RALGAPA1: variants seen among roughly 807,000 people sequenced by gnomAD.
RALGAPA1 encodes the protein ral GTPase-activating protein subunit alpha-1.
Under a neutral mutation model 269.6 loss-of-function variants are expected in RALGAPA1, and 52 were observed. The ratio of observed to expected loss-of-function variants is 0.19; its 90% CI spans 0.15 to 0.24. RALGAPA1 has a LOEUF of 0.24. RALGAPA1 is among the 10% of genes least tolerant of loss of function. RALGAPA1 has a pLI of 1.00. For synonymous variants in RALGAPA1, 817 were observed against 1,008.3 expected, an observed-to-expected ratio of 0.81 and a Z score of 3.60; for missense variants, 1,917 against 3,013.9, an observed-to-expected ratio of 0.64 and a Z score of 8.52.
intron 31 of RALGAPA1, among the ~76,000 whole-genome samples, chr14:35,648,937 ATCT>A (rs1348986931): frequency 6.6e-6 from 1 of 152,148 alleles, no homozygotes; most frequent in Non-Finnish European, 1.5e-5. Flanking sequence ...TTACTGAATC[ATCT>A]TCTCTGCCTT....
intron 16 of RALGAPA1, among the ~76,000 whole-genome samples, chr14:35,708,560 C>G (rs2068015032): frequency 6.6e-6 from 1 of 152,044 alleles, no homozygotes; most frequent in African/African-American, 2.4e-5. Flanking sequence ...GATAGCCCAC[C>G]CCAGCTAAAA....
At chr14:35,651,686 T>C (rs971277251) in intron 31 of RALGAPA1, 119 bp downstream of exon 31, 5 of 839,748 alleles carry the variant, frequency 6.0e-6, no homozygotes, top group Non-Finnish European at 6.8e-6. Context: ...TTTCACATTA[T>C]AGTAGATTCT....
intron 7 of RALGAPA1, among the ~76,000 whole-genome samples, chr14:35,754,835 C>T (rs2073033668): frequency 6.6e-6 from 1 of 152,100 alleles, no homozygotes; most frequent in Admixed American, 6.6e-5. Context: ...GCATCCCCTA[C>T]AATGGAATGC....
intron 36 of RALGAPA1, among the ~76,000 whole-genome samples, chr14:35,596,999 T>A (rs951887836): frequency 3.3e-5 from 5 of 152,140 alleles, no homozygotes; most frequent in Non-Finnish European, 5.9e-5. Context: ...AAGAGATTCC[T>A]CATTTTTGGT....
rs78574639 is a variant in RALGAPA1 at position 35,644,494 on chromosome 14, G to T, written c.5676+7311C>A. On this transcript the variant is annotated intron_variant, in intron 31 of 41. Coordinates refer to ENST00000680220, the MANE Select transcript of RALGAPA1 (RefSeq NM_001346249.2). ...TAACCATACTGAAGTGGGAAAGGGG[G>T]ACTACGAAGTAACCCAAATAACTTA... Among the ~76,000 whole-genome samples the T allele has an allele frequency of 7.1e-4, 108 of 152,260 alleles. 1 individual carries two copies. In the East Asian group the frequency reaches 0.02, roughly 29 times the overall value.
At position 35,664,708 on chromosome 14, in the gene RALGAPA1, A is replaced by G. The variant is rs948982595; in HGVS notation, c.5262T>C (p.Tyr1754=). 14 of 1,612,980 alleles carry G rather than the reference A, an allele frequency of 8.7e-6. No homozygotes were observed. The Admixed American group carries it at 1.5e-4, about 17-fold the overall frequency. ...TGGGATGAAGAGAAGGCAGTTCACA[A>G]TATAAGTTGGGAAAGCAAACCAAAG... ...LGSLVCFPNL[Y]CELPSLHPNI... Residue 1754 remains tyrosine, a synonymous_variant, in exon 27 of 42, where the codon TAT becomes TAC. Coordinates refer to ENST00000680220, the MANE Select transcript of RALGAPA1 (RefSeq NM_001346249.2).
At chr14:35,794,302 C>T (rs181318226) in intron 1 of RALGAPA1, among the ~76,000 whole-genome samples, 108 of 152,036 alleles carry the variant, frequency 7.1e-4, no homozygotes, top group Middle Eastern at 3.4e-3. Flanking sequence ...TAGGGAAACC[C>T]CCATCTCTAT....
Position 35,689,304 on chromosome 14 carries a change from T to A in RALGAPA1, c.3107A>T (p.Lys1036Ile), listed in dbSNP as rs1251743416. The change falls in exon 18 of 42, where the codon AAA (lysine) becomes ATA (isoleucine). Residue 1036 changes from lysine (K) to isoleucine (I), a missense_variant. This residue lies in a region of RALGAPA1 where 615 missense variants were observed against 790.0 expected (regional missense o/e 0.78). Coordinates refer to ENST00000680220, the MANE Select transcript of RALGAPA1 (RefSeq NM_001346249.2). The stretch of plus-strand genomic sequence containing the variant: ...TTTATCAGTGTTTAGTTGCTTAGAT[T>A]TTTCAGAAGTTTGTGTTCTAAAAAA... ...DSFFRTQTSE[K>I]SKQLNTDKQP... is the part of the protein sequence containing the mutation. 8.1e-7 allele frequency: 1 copy of A among 1,232,178 alleles called. No homozygotes were observed. Among genetic ancestry groups the A allele is most frequent in the Non-Finnish European group, 1.0e-6 (1 of 988,094 alleles). 76.3% of individuals were successfully genotyped at this position (1,232,178 alleles called of 1,614,324 possible). A position where few individuals can be genotyped will look rare whatever the true frequency, so the allele number is the denominator to read the frequency against.
chr14:35,752,038 T>C lies in RALGAPA1; in HGVS notation c.788A>G (p.Tyr263Cys). 2 of 1,582,248 alleles carry C rather than the reference T, an allele frequency of 1.3e-6. No individual in the cohort carries two copies. The highest frequency in any genetic ancestry group is 1.7e-6 in the Non-Finnish European group (2 of 1,169,282). The change falls in exon 8 of 42, where the codon TAT becomes TGT. Residue 263 changes from tyrosine (Y) to cysteine (C), a missense_variant. Transcript: ENST00000680220. Reference sequence around the variant, plus strand: ...ACATTACCTACCAAGTATAGGATGATATAAACTGTTTTCCTTACAGATGTT... The same window carrying C: ...ACATTACCTACCAAGTATAGGATGACATAAACTGTTTTCCTTACAGATGTT... ...FPNICKENSLYHPILDIPQMR... is the reference protein window; with the variant it reads ...FPNICKENSLCHPILDIPQMR...
intron 1 of RALGAPA1, among the ~76,000 whole-genome samples, chr14:35,800,376 G>A (rs557275210): frequency 3.3e-5 from 5 of 152,176 alleles, no homozygotes; most frequent in Admixed American, 3.3e-4. Context: ...AATAATTCAG[G>A]TTATAAAAAA....
chr14:35,769,953 A>G (rs2074490229), intron 4 of RALGAPA1, among the ~76,000 whole-genome samples: 1 of 152,206 alleles, frequency 6.6e-6, no homozygotes, highest in African/African-American at 2.4e-5. Context: ...AAACTTCTAT[A>G]GCTATCTTAA....
chr14:35,708,732 T>G (rs1237183482), intron 16 of RALGAPA1, among the ~76,000 whole-genome samples: 10 of 152,156 alleles, frequency 6.6e-5, no homozygotes, highest in Admixed American at 6.5e-4. Flanking sequence ...AATCCAGCAA[T>G]CCCACTCCTG....
intron 28 of RALGAPA1, among the ~76,000 whole-genome samples, chr14:35,658,132 G>C (rs2063320355): frequency 6.6e-6 from 1 of 152,126 alleles, no homozygotes; most frequent in Non-Finnish European, 1.5e-5. Flanking sequence ...ATCGTGATGA[G>C]AATTAAATGA....
chr14:35,547,360 G>C (rs2054551341), intron 41 of RALGAPA1, among the ~76,000 whole-genome samples: 1 of 152,044 alleles, frequency 6.6e-6, no homozygotes, highest in Non-Finnish European at 1.5e-5. Flanking sequence ...AAATGTGCAG[G>C]ATAACATGCA....
intron 16 of RALGAPA1, 114 bp from the exon 17 acceptor site, chr14:35,700,416 G>T: frequency 1.3e-6 from 1 of 793,316 alleles, no homozygotes. Flanking sequence ...ACAAAGGAAG[G>T]AAATTATAAA....
chr14:35,740,808 A>G (rs920145848), intron 11 of RALGAPA1, among the ~76,000 whole-genome samples: 4 of 152,200 alleles, frequency 2.6e-5, no homozygotes, highest in African/African-American at 9.7e-5. Context: ...ACCTTGTTTC[A>G]AAATAATAAT....
chr14:35,669,800 CCA>C (rs1160769976), intron 26 of RALGAPA1, among the ~76,000 whole-genome samples: 12 of 152,296 alleles, frequency 7.9e-5, no homozygotes, highest in Non-Finnish European at 1.6e-4. Flanking sequence ...AAAGTATTAT[CCA>C]GTTTATTCTA....
intron 37 of RALGAPA1, among the ~76,000 whole-genome samples, chr14:35,590,300 A>C (rs1211595525): frequency 6.6e-6 from 1 of 152,192 alleles, no homozygotes; most frequent in Non-Finnish European, 1.5e-5. Flanking sequence ...TTTCCTAGCT[A>C]TTATCCATTT....
rs550239365 is a variant in RALGAPA1 at position 35,714,728 on chromosome 14, C to T, written c.2266+6960G>A. Among the ~76,000 whole-genome samples the T allele has an allele frequency of 3.0e-4, 45 of 152,246 alleles. 1 individual carries two copies. The Middle Eastern group carries it at 0.02, about 69-fold the overall frequency. Reference sequence around the variant, plus strand: ...TTGATCATTTATCCTTCTTGCATCTCGGACTTTAATTCTGGGGTAATTTTT... The same window carrying T: ...TTGATCATTTATCCTTCTTGCATCTTGGACTTTAATTCTGGGGTAATTTTT... On this transcript the variant is annotated intron_variant, in intron 16 of 41. Coordinates refer to ENST00000680220, the MANE Select transcript of RALGAPA1 (RefSeq NM_001346249.2).
Sources: gnomAD v4.1 joint callset for allele counts (sites outside exome capture counted in the v4.1 genomes callset) on GRCh38, gnomAD v4.1.1 for gene constraint, gnomAD v4.1.1 regional missense constraint, MANE v1.5 for transcripts, NCBI Gene and HGNC (gene_info 2026-07-23, HGNC 2026-07-21) for gene names.